Variants in ST8SIA1 observed in about 807,000 individuals in gnomAD.
ST8SIA1 encodes ST8 alpha-N-acetyl-neuraminide alpha-2,8-sialyltransferase 1.
In ST8SIA1, 16 loss-of-function variants were observed where a neutral mutation model predicts 35.9. The observed-to-expected ratio is 0.45, with a 90% CI of 0.30 to 0.68. The LOEUF (loss-of-function observed/expected upper bound fraction) is 0.68, where lower values mean the gene tolerates loss of function less well. ST8SIA1 is among the 30% of genes least tolerant of loss of function. The pLI is 0.09. For missense variants in ST8SIA1, 383 were observed against 453.6 expected, an observed-to-expected ratio of 0.84 and a Z score of 1.41; for synonymous variants, 170 against 169.6, an observed-to-expected ratio of 1.00 and a Z score of -0.02.
intron 4 of ST8SIA1, among the ~76,000 whole-genome samples, chr12:22,209,414 C>T (rs757087156): frequency 1.3e-5 from 2 of 152,126 alleles, no homozygotes; most frequent in African/African-American, 4.8e-5. Flanking sequence ...CGACCTCACT[C>T]GCATTCAAGT....
At chr12:22,224,209 C>G (rs1483538700) in intron 4 of ST8SIA1, among the ~76,000 whole-genome samples, 1 of 151,970 alleles carries the variant, frequency 6.6e-6, no homozygotes, top group Non-Finnish European at 1.5e-5. Flanking sequence ...ACTGTATTTA[C>G]TCCTTTGTGA....
intron 4 of ST8SIA1, among the ~76,000 whole-genome samples, chr12:22,206,455 A>G (rs1215344538): frequency 1.3e-5 from 2 of 152,172 alleles, no homozygotes; most frequent in Non-Finnish European, 2.9e-5. Flanking sequence ...TCCTGCACCG[A>G]TCAATTATCA....
chr12:22,331,579 T>C (rs868154240), intron 1 of ST8SIA1, among the ~76,000 whole-genome samples: 1 of 152,320 alleles, frequency 6.6e-6, no homozygotes, highest in African/African-American at 2.4e-5. Context: ...GTCAAAGTTG[T>C]GTCTCCTTAA....
rs746572041 is a variant in ST8SIA1 at position 22,201,930 on chromosome 12, T to C, written c.693A>G (p.Pro231=). 4 of 1,614,090 alleles carry C rather than the reference T, an allele frequency of 2.5e-6. No homozygotes were observed. The highest frequency in any genetic ancestry group is 3.4e-6 in the Non-Finnish European group (4 of 1,179,956). The change falls in exon 5 of 5, where the codon CCA becomes CCG. Residue 231 remains proline (P), a synonymous_variant. Transcript: ENST00000396037. ...PAFSMKTGTE[P]SLRVYYTLSD... is the part of the protein sequence containing the mutation. Reference sequence around the variant, plus strand: ...ACAGTGTATAATAAACCCTCAAAGATGGCTCTGTTCCTGTCTTCATAGAAA... The same window carrying C: ...ACAGTGTATAATAAACCCTCAAAGACGGCTCTGTTCCTGTCTTCATAGAAA...
intron 1 of ST8SIA1, among the ~76,000 whole-genome samples, chr12:22,309,142 G>C (rs1866418949): frequency 6.6e-6 from 1 of 152,128 alleles, no homozygotes; most frequent in African/African-American, 2.4e-5. Flanking sequence ...TCCTGGCGAA[G>C]GGGACCCCAA....
chr12:22,330,381 A>G (rs190186774), intron 1 of ST8SIA1, among the ~76,000 whole-genome samples: 1 of 152,336 alleles, frequency 6.6e-6, no homozygotes, highest in Admixed American at 6.5e-5. Context: ...ACAAACTTGT[A>G]AGACATTCTT....
At chr12:22,213,371 T>C (rs781651221) in intron 4 of ST8SIA1, among the ~76,000 whole-genome samples, 8 of 152,218 alleles carry the variant, frequency 5.3e-5, no homozygotes, top group Non-Finnish European at 1.2e-4. Context: ...TGTTGGGCTA[T>C]AACAATAATA....
intron 4 of ST8SIA1, among the ~76,000 whole-genome samples, chr12:22,219,262 T>C (rs926422182): frequency 1.3e-5 from 2 of 152,228 alleles, no homozygotes; most frequent in African/African-American, 4.8e-5. Context: ...TTAATTTTAT[T>C]ATATTTCTAT....
intron 4 of ST8SIA1, among the ~76,000 whole-genome samples, chr12:22,245,171 A>T (rs1193133004): frequency 2.0e-5 from 3 of 152,220 alleles, no homozygotes; most frequent in African/African-American, 7.2e-5. Context: ...ACATGCATGC[A>T]TCATTAGGAT....
In ST8SIA1 at chr12:22,261,633, C is replaced by T. The variant is rs542675704; in HGVS notation, c.382-6244G>A. Among the ~76,000 whole-genome samples the T allele has an allele frequency of 2.0e-4, 30 of 152,098 alleles. No individual in the cohort carries two copies. In the South Asian group the frequency reaches 3.1e-3, roughly 16 times the overall value. On this transcript the variant is annotated intron_variant, in intron 2 of 4. Coordinates refer to ENST00000396037, the MANE Select transcript of ST8SIA1 (RefSeq NM_003034.4). ...CATCTAATCCATTCTCAGCAGTTTC[C>T]GGACCTAAAATGGCATTTCCTTATA...
intron 4 of ST8SIA1, among the ~76,000 whole-genome samples, chr12:22,221,975 AAAAG>A (rs1452553393): frequency 1.3e-5 from 2 of 152,184 alleles, no homozygotes; most frequent in Admixed American, 6.5e-5. Flanking sequence ...TCAAAAATGG[AAAAG>A]AAAGTTAAAA....
At position 22,301,879 on chromosome 12, in the gene ST8SIA1, G is replaced by A. The variant is rs186621941; in HGVS notation, c.237-14586C>T. ...TCATCCAACTCATAGGTATTTGATG[G>A]TACAAATCCATGGCTGGGCTCAGCT... is the stretch of plus-strand genomic sequence containing the variant. On this transcript the variant is annotated intron_variant, in intron 1 of 4. Transcript: ENST00000396037. Among the ~76,000 whole-genome samples the A allele has an allele frequency of 4.1e-4, 62 of 152,126 alleles. 2 individuals are homozygous for A. In the East Asian group the frequency reaches 0.011, roughly 26 times the overall value.
At chr12:22,321,042 G>GAAAGAGAAAGAAAAGA (rs1866593489) in intron 1 of ST8SIA1, among the ~76,000 whole-genome samples, 1 of 49,084 alleles carries the variant, frequency 2.0e-5, no homozygotes, top group African/African-American at 1.1e-4. Flanking sequence ...AAGAGAAAGA[G>GAAAGAGAAAGAAAAGA]AAAGAAAAGA....
chr12:22,210,484 G>T (rs998362339), intron 4 of ST8SIA1, among the ~76,000 whole-genome samples: 3 of 152,082 alleles, frequency 2.0e-5, no homozygotes, highest in Admixed American at 6.5e-5. Flanking sequence ...CAAGCAATCA[G>T]TTTTACAGCA....
rs1442518567 is a variant in ST8SIA1, at chr12:22,198,718, C to G, written c.*2834G>C. ...ATCTTTAAGTGAAGACAAGGTGGAACAATCAAAATTTCATTTTGGTCTAAT... is the reference window on the plus strand; with the variant it reads ...ATCTTTAAGTGAAGACAAGGTGGAAGAATCAAAATTTCATTTTGGTCTAAT... On this transcript the variant is annotated 3_prime_UTR_variant, in exon 5 of 5. Transcript: ENST00000396037. The G allele has an allele frequency of 6.6e-6, 1 of 152,102 alleles. No individual in the cohort carries two copies. Among genetic ancestry groups the G allele is most frequent in the Non-Finnish European group, 1.5e-5 (1 of 68,020 alleles). The allele number at this position is 152,102 out of a possible 1,614,324, so 9.4% of individuals were successfully genotyped here.
chr12:22,253,280 CA>C (rs1286734880), intron 3 of ST8SIA1, among the ~76,000 whole-genome samples: 1 of 152,182 alleles, frequency 6.6e-6, no homozygotes, highest in East Asian at 1.9e-4. Flanking sequence ...CACCTAATGC[CA>C]AAGTACTGGA....
chr12:22,292,237 T>C (rs950843676), intron 1 of ST8SIA1, among the ~76,000 whole-genome samples: 3 of 152,164 alleles, frequency 2.0e-5, no homozygotes, highest in Non-Finnish European at 4.4e-5. Flanking sequence ...AAAAATAATA[T>C]CATGAGAAAT....
intron 2 of ST8SIA1, among the ~76,000 whole-genome samples, chr12:22,274,701 G>A (rs1012968506): frequency 5.9e-5 from 9 of 152,284 alleles, no homozygotes; most frequent in African/African-American, 1.4e-4. Context: ...ACGCTCTATC[G>A]TGAGCATCCA....
At chr12:22,324,940 G>T (rs1398727437) in intron 1 of ST8SIA1, 1 of 151,906 alleles carries the variant, frequency 6.6e-6, no homozygotes. Flanking sequence ...AATTATATGA[G>T]AAAATTCTAA....
Sources: gnomAD v4.1 joint callset for allele counts (sites outside exome capture counted in the v4.1 genomes callset) on GRCh38, gnomAD v4.1.1 for gene constraint, MANE v1.5 for transcripts, NCBI Gene and HGNC (gene_info 2026-07-23, HGNC 2026-07-21) for gene names.